CTNND2: variants seen among roughly 807,000 people sequenced by gnomAD.
CTNND2 encodes catenin delta-2.
In CTNND2, 22 loss-of-function variants were observed where a neutral mutation model predicts 144.4. That is an observed-to-expected ratio of 0.15 (90% CI 0.11 to 0.22). CTNND2 has a LOEUF of 0.22. Among genes scored for constraint, CTNND2 ranks in the 10% least tolerant of loss-of-function variants. CTNND2 has a pLI of 1.00. For missense variants in CTNND2, 1,353 were observed against 1,618.8 expected, an observed-to-expected ratio of 0.84 and a Z score of 2.82; for synonymous variants, 751 against 695.6, an observed-to-expected ratio of 1.08 and a Z score of -1.25.
At chr5:11,381,432 C>T (rs375080315) in intron 7 of CTNND2, among the ~76,000 whole-genome samples, 2 of 152,320 alleles carry the variant, frequency 1.3e-5, no homozygotes, top group East Asian at 3.9e-4. Context: ...ACCTTGCTGA[C>T]CTCAAGTCAT....
intron 19 of CTNND2, among the ~76,000 whole-genome samples, chr5:10,992,063 G>A (rs1382133793): frequency 7.2e-5 from 11 of 152,226 alleles, no homozygotes; most frequent in East Asian, 1.9e-4. Context: ...GATTACAGGC[G>A]TGTGCCAACA....
chr5:11,706,150 C>A (rs999035418), intron 2 of CTNND2, among the ~76,000 whole-genome samples: 7 of 152,262 alleles, frequency 4.6e-5, no homozygotes, highest in African/African-American at 1.7e-4. Flanking sequence ...TCTTTTCCAG[C>A]AAAGCCTTCA....
At chr5:11,119,296 T>C (rs189223096) in intron 12 of CTNND2, among the ~76,000 whole-genome samples, 4 of 152,244 alleles carry the variant, frequency 2.6e-5, no homozygotes, top group Non-Finnish European at 2.9e-5. Flanking sequence ...CGTGTTAAGA[T>C]AGGCTCTATC....
chr5:11,324,577 CT>C (rs1752346860), intron 9 of CTNND2, among the ~76,000 whole-genome samples: 1 of 152,154 alleles, frequency 6.6e-6, no homozygotes, highest in African/African-American at 2.4e-5. Flanking sequence ...CTTGGCTTCT[CT>C]TTGTCTAATA....
At chr5:11,303,755 G>A (rs1317015698) in intron 9 of CTNND2, among the ~76,000 whole-genome samples, 2 of 152,178 alleles carry the variant, frequency 1.3e-5, no homozygotes, top group African/African-American at 2.4e-5. Context: ...TAGTTACTGA[G>A]GGTATCTTGA....
chr5:11,165,632 T>C (rs1560955452), intron 11 of CTNND2, among the ~76,000 whole-genome samples: 1 of 152,198 alleles, frequency 6.6e-6, no homozygotes, highest in Non-Finnish European at 1.5e-5. Flanking sequence ...CTGTTCCAAA[T>C]ATAATTTTGA....
At chr5:11,182,355 C>G (rs1293954161) in intron 11 of CTNND2, among the ~76,000 whole-genome samples, 1 of 151,894 alleles carries the variant, frequency 6.6e-6, no homozygotes, top group Non-Finnish European at 1.5e-5. Flanking sequence ...ATGCACCCAC[C>G]TTCGTGTGCA....
At chr5:11,080,725 A>G (rs531565131) in intron 16 of CTNND2, among the ~76,000 whole-genome samples, 16 of 152,240 alleles carry the variant, frequency 1.1e-4, no homozygotes, top group Admixed American at 3.9e-4. Context: ...AGCCACTTAC[A>G]TATGTACACA....
intron 11 of CTNND2, among the ~76,000 whole-genome samples, chr5:11,183,295 C>G (rs189469809): frequency 6.6e-5 from 10 of 152,274 alleles, no homozygotes; most frequent in Non-Finnish European, 1.5e-4. Flanking sequence ...ATTTCTATCT[C>G]CTGTTAATTT....
chr5:11,025,190 C>T (rs1363571899), intron 16 of CTNND2, among the ~76,000 whole-genome samples: 1 of 152,122 alleles, frequency 6.6e-6, no homozygotes, highest in Non-Finnish European at 1.5e-5. Flanking sequence ...TTTTGACCAT[C>T]CAAGTAAAGA....
chr5:11,774,550 T>TCAA (rs1554118993), intron 1 of CTNND2, among the ~76,000 whole-genome samples: 1 of 24,330 alleles, frequency 4.1e-5, no homozygotes, highest in Non-Finnish European at 3.2e-4. Flanking sequence ...TAAAGTATAA[T>TCAA]AAAAAAAAAT....
intron 16 of CTNND2, among the ~76,000 whole-genome samples, chr5:11,071,059 AAG>A (rs1280539637): frequency 6.6e-6 from 1 of 152,054 alleles, no homozygotes; most frequent in Admixed American, 6.6e-5. Context: ...GAAAAGGCCA[AAG>A]AGGGGAGAAA....
chr5:11,866,798 A>G (rs1795790420), intron 1 of CTNND2, among the ~76,000 whole-genome samples: 1 of 152,176 alleles, frequency 6.6e-6, no homozygotes, highest in Non-Finnish European at 1.5e-5. Context: ...ACATGCCATT[A>G]GGCTTCTCTT....
intron 2 of CTNND2, among the ~76,000 whole-genome samples, chr5:11,688,570 G>A (rs1454301032): frequency 6.6e-6 from 1 of 152,142 alleles, no homozygotes; most frequent in Non-Finnish European, 1.5e-5. Context: ...AAAAATTCTT[G>A]CATGGGTTAT....
intron 9 of CTNND2, among the ~76,000 whole-genome samples, chr5:11,250,519 AT>A (rs67476400): frequency 0.79 from 65,442 of 83,060 alleles, 25,729 homozygotes; most frequent in East Asian, 0.89. Flanking sequence ...ATATACATAT[AT>A]TTTTTTTTTT....
At chr5:11,188,799 C>T (rs1165196986) in intron 11 of CTNND2, among the ~76,000 whole-genome samples, 2 of 152,070 alleles carry the variant, frequency 1.3e-5, no homozygotes, top group Non-Finnish European at 2.9e-5. Context: ...TGCGTTATCA[C>T]CTTGGAACAC....
intron 2 of CTNND2, among the ~76,000 whole-genome samples, chr5:11,680,157 G>A (rs1365801948): frequency 6.6e-6 from 1 of 152,176 alleles, no homozygotes; most frequent in Non-Finnish European, 1.5e-5. Context: ...ACCACAGGAT[G>A]CTGAGAAACA....
intron 2 of CTNND2, among the ~76,000 whole-genome samples, chr5:11,690,926 C>T (rs1016909121): frequency 5.9e-5 from 9 of 152,074 alleles, no homozygotes; most frequent in South Asian, 2.1e-4. Flanking sequence ...CCTGAAAACA[C>T]GTTGAAAATG....
intron 3 of CTNND2, among the ~76,000 whole-genome samples, chr5:11,468,383 C>G (rs897150969): frequency 6.6e-6 from 1 of 152,136 alleles, no homozygotes; most frequent in Non-Finnish European, 1.5e-5. Context: ...ATTTAGGACA[C>G]TTTTGGTTTT....
Sources: allele counts gnomAD v4.1 joint callset (sites outside exome capture counted in the v4.1 genomes callset), GRCh38; gene constraint gnomAD v4.1.1; transcripts MANE v1.5; gene names NCBI Gene and HGNC (gene_info 2026-07-23, HGNC 2026-07-21).